TCEANC2: variants seen among roughly 807,000 people sequenced by gnomAD.
TCEANC2 encodes the protein transcription elongation factor A N-terminal and central domain-containing protein 2.
Under a neutral mutation model 22.8 loss-of-function variants are expected in TCEANC2, and 20 were observed. That is an observed-to-expected ratio of 0.88 (90% confidence interval 0.62 to 1.28). The LOEUF (loss-of-function observed/expected upper bound fraction) is 1.28. Ranked by LOEUF, TCEANC2 falls within the 50% of genes most tolerant of loss-of-function variation. The pLI is 0.00. For synonymous variants in TCEANC2, 84 were observed against 95.5 expected (o/e 0.88, Z 0.70); for missense variants, 251 against 249.7 (o/e 1.01, Z -0.03).
intron 4 of TCEANC2, among the ~76,000 whole-genome samples, chr1:54,093,385 C>T (rs1184838884): frequency 1.3e-5 from 2 of 152,152 alleles, no homozygotes; most frequent in East Asian, 1.9e-4. Flanking sequence ...GTATTCTTCA[C>T]TTTGCAACAA....
At position 54,098,490 on chromosome 1, in the gene TCEANC2, C is replaced by T. The variant is rs1658598714; in HGVS notation, c.*2017C>T. 1 of 152,198 alleles carries T rather than the reference C, an allele frequency of 6.6e-6. No homozygotes were observed. The highest frequency in any genetic ancestry group is 1.5e-5 in the Non-Finnish European group (1 of 68,038). 9.4% of individuals were successfully genotyped at this position (152,198 alleles called of 1,614,324 possible). On this transcript the variant is annotated 3_prime_UTR_variant, in exon 5 of 5. Coordinates refer to ENST00000234827, the MANE Select transcript of TCEANC2 (RefSeq NM_153035.3). Reference sequence around the variant, plus strand: ...TCCTAAATACAATAGCACTCCCTCCCAACTATTCTTTAATGCTGTACCTAG... The same window carrying T: ...TCCTAAATACAATAGCACTCCCTCCTAACTATTCTTTAATGCTGTACCTAG...
rs2100397872 is a variant in TCEANC2, at chr1:54,106,070, T to G, written c.*9597T>G. 6.6e-6 allele frequency: 1 copy of G among 152,358 alleles called. No individual in the cohort carries two copies. Among genetic ancestry groups the G allele is most frequent in the East Asian group, 1.9e-4 (1 of 5,190 alleles). The allele number at this position is 152,358 out of a possible 1,614,324, so 9.4% of individuals were successfully genotyped here. On this transcript the variant is annotated 3_prime_UTR_variant, in exon 5 of 5. Transcript: ENST00000234827. The stretch of plus-strand genomic sequence containing the variant: ...AATGTGGCTGTGTTCCAATAAAACT[T>G]TATTTACAAAAACAGGTGGTGGGCT...
At chr1:54,068,993 T>A (rs1261736750) in intron 3 of TCEANC2, 96 bp downstream of exon 3, 1 of 1,268,632 alleles carries the variant, frequency 7.9e-7, no homozygotes, top group Non-Finnish European at 1.0e-6. Context: ...GTTATCTGCC[T>A]TATCAATGCT....
rs747149708 is a variant in TCEANC2, at chr1:54,105,862, G to C, written c.*9389G>C. On this transcript the variant is annotated 3_prime_UTR_variant, in exon 5 of 5. Transcript: ENST00000234827. The stretch of plus-strand genomic sequence containing the variant: ...TCTTGATCTCTTGACCTCGTGATCC[G>C]CGCTCCTCGGCCTCCCAAAGTGCTG... 6.6e-6 allele frequency: 1 copy of C among 151,958 alleles called. No homozygotes were observed. 9.4% of individuals were successfully genotyped at this position (151,958 alleles called of 1,614,324 possible). A position where few individuals can be genotyped will look rare whatever the true frequency, so the allele number is the denominator to read the frequency against.
exon 5 of TCEANC2, chr1:54,111,220 A>G (rs1658833877): frequency 6.6e-6 from 1 of 152,252 alleles, no homozygotes; most frequent in Non-Finnish European, 1.5e-5. Flanking sequence ...CCGAGCAGAC[A>G]GTCTGGGCTC....
At chr1:54,082,551 A>G (rs888306944) in intron 3 of TCEANC2, among the ~76,000 whole-genome samples, 2 of 152,232 alleles carry the variant, frequency 1.3e-5, no homozygotes, top group Non-Finnish European at 2.9e-5. Flanking sequence ...AGTTTTGAGG[A>G]TAAGATGGAC....
intron 3 of TCEANC2, among the ~76,000 whole-genome samples, chr1:54,073,614 A>C (rs987155687): frequency 6.6e-6 from 1 of 152,166 alleles, no homozygotes; most frequent in Non-Finnish European, 1.5e-5. Context: ...GTCCGCCATA[A>C]AGCTTGAGAG....
At chr1:54,083,957 A>G (rs1456356605) in intron 3 of TCEANC2, among the ~76,000 whole-genome samples, 1 of 152,128 alleles carries the variant, frequency 6.6e-6, no homozygotes, top group Non-Finnish European at 1.5e-5. Context: ...TCACTAAACT[A>G]AAAAAAGTGA....
rs556221563 is a variant in TCEANC2, at chr1:54,091,422, G to A, written c.438+2632G>A. On this transcript the variant is annotated intron_variant, in intron 4 of 4. Transcript: ENST00000234827. ...TAATCAGGCAGCAGTAAAGCATTGG[G>A]TTTAAGTTATTGGCCCAGTGACTTA... Among the ~76,000 whole-genome samples the A allele has an allele frequency of 2.6e-5, 4 of 152,256 alleles. No homozygotes were observed. The South Asian group carries it at 8.3e-4, about 32-fold the overall frequency.
At position 54,088,710 on chromosome 1, in the gene TCEANC2, A is replaced by G. The variant is rs745440627; in HGVS notation, c.358A>G (p.Ile120Val). ...FTEKHSNRPS[I>V]EVRSDPKTES... ...TGAAAAACATTCAAATAGACCTTCTATTGAAGTTAGAAGTGATCCCAAAAC... is the reference window on the plus strand; with the variant it reads ...TGAAAAACATTCAAATAGACCTTCTGTTGAAGTTAGAAGTGATCCCAAAAC... Residue 120 changes from isoleucine (I) to valine (V), a missense_variant, in exon 4 of 5, where the codon ATT (isoleucine) becomes GTT (valine). By Grantham distance (29) the Ile-to-Val change is conservative. Transcript: ENST00000234827. 24 of 1,611,396 alleles carry G rather than the reference A, an allele frequency of 1.5e-5. No individual in the cohort carries two copies. The highest frequency in any genetic ancestry group is 2.2e-5 in the East Asian group (1 of 44,726).
intron 2 of TCEANC2, among the ~76,000 whole-genome samples, chr1:54,068,131 T>C (rs1657991581): frequency 6.6e-6 from 1 of 152,218 alleles, no homozygotes; most frequent in South Asian, 2.1e-4. Flanking sequence ...ACATAGTTTC[T>C]TCTAGGAAGG....
At chr1:54,062,529 A>G (rs1214571608) in intron 2 of TCEANC2, among the ~76,000 whole-genome samples, 1 of 152,230 alleles carries the variant, frequency 6.6e-6, no homozygotes, top group Non-Finnish European at 1.5e-5. Flanking sequence ...GGATAGTGAG[A>G]TAAATGAGAA....
intron 3 of TCEANC2, among the ~76,000 whole-genome samples, chr1:54,072,686 G>A (rs1205294209): frequency 6.6e-6 from 1 of 152,000 alleles, no homozygotes. Context: ...TGAGCCATCG[G>A]CCTTGGCCTC....
At chr1:54,075,149 T>C (rs977866622) in intron 3 of TCEANC2, among the ~76,000 whole-genome samples, 1 of 152,244 alleles carries the variant, frequency 6.6e-6, no homozygotes, top group Non-Finnish European at 1.5e-5. Context: ...CCTTGTCCTA[T>C]GCCTTATGCT....
chr1:54,111,807 C>T (rs1483654535), exon 5 of TCEANC2: 1 of 152,184 alleles, frequency 6.6e-6, no homozygotes, highest in Non-Finnish European at 1.5e-5. Context: ...CAGTCTGGAC[C>T]GATTGGATGG....
chr1:54,079,649 CT>C (rs1658202520), intron 3 of TCEANC2, among the ~76,000 whole-genome samples: 1 of 152,190 alleles, frequency 6.6e-6, no homozygotes, highest in South Asian at 2.1e-4. Flanking sequence ...CTCTTCTTCA[CT>C]TTTAAGGACT....
At chr1:54,076,198 A>G (rs1463657574) in intron 3 of TCEANC2, among the ~76,000 whole-genome samples, 1 of 152,162 alleles carries the variant, frequency 6.6e-6, no homozygotes, top group African/African-American at 2.4e-5. Flanking sequence ...TTCGTTACCC[A>G]GGTATTAAAC....
intron 3 of TCEANC2, among the ~76,000 whole-genome samples, chr1:54,082,633 C>A (rs1379350134): frequency 6.6e-6 from 1 of 152,030 alleles, no homozygotes; most frequent in Non-Finnish European, 1.5e-5. Flanking sequence ...GCCAGCATGA[C>A]CCCAAACAGG....
At chr1:54,072,393 A>C (rs768350407) in intron 3 of TCEANC2, among the ~76,000 whole-genome samples, 76 of 144,566 alleles carry the variant, frequency 5.3e-4, no homozygotes, top group South Asian at 1.9e-3. Context: ...TATCCCCCCC[A>C]AATTTTTTTT....
Sources: allele counts gnomAD v4.1 joint callset (sites outside exome capture counted in the v4.1 genomes callset), GRCh38; gene constraint gnomAD v4.1.1; transcripts MANE v1.5; gene names NCBI Gene and HGNC (gene_info 2026-07-23, HGNC 2026-07-21).